ABCB5: variants seen among roughly 807,000 people sequenced by gnomAD.
The protein encoded by ABCB5 is ATP binding cassette subfamily B member 5, also known as ATP-binding cassette sub-family B member 5.
In ABCB5, 155 loss-of-function variants were observed where a neutral mutation model predicts 144.2. That is an observed-to-expected ratio of 1.08 (90% CI 0.94 to 1.23). ABCB5 has a LOEUF of 1.23. Among genes scored for constraint, ABCB5 ranks in the 50% most tolerant of loss-of-function variants. ABCB5 has a pLI of 0.00. For missense variants in ABCB5, 1,830 were observed against 1,520.8 expected, an observed-to-expected ratio of 1.20 and a Z score of -3.38; for synonymous variants, 610 against 528.6, an observed-to-expected ratio of 1.15 and a Z score of -2.11.
intron 20 of ABCB5, among the ~76,000 whole-genome samples, chr7:20,711,782 T>TCTCTTTCTTTCTCTCTCTCTC (rs763835293): frequency 4.2e-5 from 3 of 72,192 alleles, no homozygotes; most frequent in Non-Finnish European, 8.0e-5. Context: ...TTCTTTCTCT[T>TCTCTTTCTTTCTCTCTCTCTC]TCTTTCTTTC....
intron 7 of ABCB5, among the ~76,000 whole-genome samples, chr7:20,643,865 T>A (rs1784348350): frequency 6.6e-6 from 1 of 152,244 alleles, no homozygotes; most frequent in Non-Finnish European, 1.5e-5. Flanking sequence ...AAAACATTTC[T>A]CTTCATTTAG....
intron 1 of ABCB5, among the ~76,000 whole-genome samples, 184 bp from the exon 2 acceptor site, chr7:20,623,081 C>T (rs915245020): frequency 4.6e-5 from 7 of 152,068 alleles, no homozygotes; most frequent in Non-Finnish European, 7.4e-5. Context: ...AATTCAATGA[C>T]AAAATTTGAA....
chr7:20,659,976 G>A lies in ABCB5; in HGVS notation c.1707+1300G>A, dbSNP rs367909470. On this transcript the variant is annotated intron_variant, in intron 14 of 27. Coordinates refer to ENST00000404938, the MANE Select transcript of ABCB5 (RefSeq NM_001163941.2). ...TGGGATTACAGGTGTGCGTCTCCGC[G>A]CCCGGCCAGTTACATAAGATTTTAA... 2.3e-5 allele frequency: 23 copies of A among 985,464 alleles called. No homozygotes were observed. The Admixed American group carries it at 6.1e-4, about 26-fold the overall frequency. The allele number at this position is 985,464 out of a possible 1,614,324, so 61.0% of individuals were successfully genotyped here. A position where few individuals can be genotyped will look rare whatever the true frequency, so the allele number is the denominator to read the frequency against.
At chr7:20,638,793 G>T (rs1247665542) in intron 5 of ABCB5, among the ~76,000 whole-genome samples, 1 of 151,998 alleles carries the variant, frequency 6.6e-6, no homozygotes, top group Non-Finnish European at 1.5e-5. Context: ...CTACTTTTTG[G>T]CTATTTACAA....
intron 2 of ABCB5, among the ~76,000 whole-genome samples, chr7:20,625,383 C>CAT (rs762312889): frequency 1.3e-4 from 20 of 151,474 alleles, no homozygotes; most frequent in Non-Finnish European, 2.8e-4. Context: ...TTTGCGCGTG[C>CAT]ATGTGTGTGT....
At chr7:20,751,720 A>G (rs1300472375) in intron 26 of ABCB5, among the ~76,000 whole-genome samples, 1 of 152,116 alleles carries the variant, frequency 6.6e-6, no homozygotes, top group African/African-American at 2.4e-5. Flanking sequence ...CCCTCATTTA[A>G]ATATGAACTT....
chr7:20,654,907 C>G (rs1784722221), intron 13 of ABCB5, among the ~76,000 whole-genome samples: 1 of 151,842 alleles, frequency 6.6e-6, no homozygotes, highest in African/African-American at 2.4e-5. Flanking sequence ...CTAATTTTCA[C>G]CTACAGAAAC....
intron 9 of ABCB5, among the ~76,000 whole-genome samples, chr7:20,646,938 C>T (rs1299863873): frequency 1.3e-5 from 2 of 152,094 alleles, no homozygotes; most frequent in Non-Finnish European, 1.5e-5. Context: ...TTATGTGTGG[C>T]TGGGTATCTG....
intron 16 of ABCB5, among the ~76,000 whole-genome samples, chr7:20,686,882 G>A (rs957298189): frequency 2.0e-5 from 3 of 152,008 alleles, no homozygotes; most frequent in African/African-American, 7.2e-5. Context: ...TGAAGCCCCT[G>A]GATTATCTGC....
chr7:20,741,982 G>A (rs1224766514), intron 24 of ABCB5, among the ~76,000 whole-genome samples: 1 of 150,220 alleles, frequency 6.7e-6, no homozygotes, highest in Non-Finnish European at 1.5e-5. Flanking sequence ...TGGTGTAGAT[G>A]AGTATTGGTT....
At chr7:20,706,021 C>T (rs1425787155) in intron 20 of ABCB5, among the ~76,000 whole-genome samples, 6 of 152,038 alleles carry the variant, frequency 3.9e-5, no homozygotes, top group Admixed American at 1.3e-4. Flanking sequence ...ATTTTGAAGG[C>T]AAGGTTCTAG....
chr7:20,661,032 T>C (rs145512648), intron 14 of ABCB5, among the ~76,000 whole-genome samples: 44 of 152,372 alleles, frequency 2.9e-4, no homozygotes, highest in Non-Finnish European at 4.9e-4. Flanking sequence ...ACTTGGACTA[T>C]TGCAGTAGCT....
At position 20,750,383 on chromosome 7, in the gene ABCB5, TACACACAC is replaced by T. The variant is rs3033674; in HGVS notation, c.3430-2947_3430-2940del. 5.5e-3 allele frequency among the ~76,000 whole-genome samples: 776 copies of T among 141,076 alleles called. 12 individuals are homozygous for T. The highest frequency in any genetic ancestry group is 0.019 in the African/African-American group (721 of 38,254). 92.6% of individuals were successfully genotyped at this position (141,076 alleles called of 152,430 possible). On this transcript the variant is annotated intron_variant, in intron 26 of 27. Coordinates refer to ENST00000404938, the MANE Select transcript of ABCB5 (RefSeq NM_001163941.2). ...TGATGAGAGTCCAAAGGCTTCCCCC[TACACACAC>T]ACACACACACACACACACACACACA...
chr7:20,727,160 G>T lies in ABCB5; in HGVS notation c.2726+20G>T. 1 of 1,593,888 alleles carries T rather than the reference G, an allele frequency of 6.3e-7. No individual in the cohort carries two copies. Among genetic ancestry groups the T allele is most frequent in the South Asian group, 1.1e-5 (1 of 89,244 alleles). On this transcript the variant is annotated intron_variant, in intron 22 of 27. Coordinates refer to ENST00000404938, the MANE Select transcript of ABCB5 (RefSeq NM_001163941.2). ...ACACAGGTGATTATAGATTCATACT[G>T]ACTTCAAAAACTTAATTTTGTTCTG...
intron 16 of ABCB5, among the ~76,000 whole-genome samples, chr7:20,688,017 C>A (rs1786058944): frequency 6.6e-6 from 1 of 152,068 alleles, no homozygotes; most frequent in Non-Finnish European, 1.5e-5. Flanking sequence ...CATGGTGAAA[C>A]CCTGCCTCTA....
chr7:20,675,272 T>C (rs1171815279), intron 14 of ABCB5, among the ~76,000 whole-genome samples: 9 of 151,966 alleles, frequency 5.9e-5, no homozygotes, highest in Non-Finnish European at 1.3e-4. Flanking sequence ...ATTAAAACAG[T>C]ATAGTACTTG....
chr7:20,616,886 G>C (rs1459680166), intron 1 of ABCB5, among the ~76,000 whole-genome samples: 2 of 152,182 alleles, frequency 1.3e-5, no homozygotes, highest in Non-Finnish European at 2.9e-5. Context: ...GTGTCGCTTT[G>C]TCTCAGTGCA....
intron 16 of ABCB5, among the ~76,000 whole-genome samples, chr7:20,695,827 G>A (rs1247077946): frequency 6.6e-6 from 1 of 151,748 alleles, no homozygotes; most frequent in Non-Finnish European, 1.5e-5. Context: ...GCCCAACGTG[G>A]TTAGTCATTT....
chr7:20,695,217 T>C (rs902017352), intron 16 of ABCB5, among the ~76,000 whole-genome samples: 1 of 151,862 alleles, frequency 6.6e-6, no homozygotes, highest in Non-Finnish European at 1.5e-5. Flanking sequence ...GGCATACAAA[T>C]AGACAAATAG....
Sources: allele counts gnomAD v4.1 joint callset (sites outside exome capture counted in the v4.1 genomes callset), GRCh38; gene constraint gnomAD v4.1.1; transcripts MANE v1.5; gene names NCBI Gene and HGNC (gene_info 2026-07-23, HGNC 2026-07-21).